Variants in SH3D19 observed in about 807,000 individuals in gnomAD.
SH3D19 encodes the protein SH3 domain containing 19, also known as SH3 domain-containing protein 19.
A neutral mutation model predicts 112.1 loss-of-function variants in SH3D19; 58 were observed. The ratio of observed to expected loss-of-function variants is 0.52; its 90% CI spans 0.42 to 0.64. SH3D19 has a LOEUF of 0.64. Ranked by LOEUF, SH3D19 falls within the 30% of genes least tolerant of loss-of-function variation. The pLI, the probability that SH3D19 is intolerant of heterozygous loss-of-function variation, is 0.00. For synonymous variants in SH3D19, 391 were observed against 448.5 expected (o/e 0.87, Z 1.62); for missense variants, 1,090 against 1,263.4 (o/e 0.86, Z 2.08).
intron 1 of SH3D19, among the ~76,000 whole-genome samples, chr4:151,293,273 A>G (rs917844000): frequency 6.6e-6 from 1 of 151,844 alleles, no homozygotes; most frequent in Non-Finnish European, 1.5e-5. Context: ...GATCAAGACC[A>G]TCCTGGCTAA....
intron 1 of SH3D19, 51 bp downstream of exon 1, chr4:151,325,190 C>T: frequency 9.4e-7 from 1 of 1,065,234 alleles, no homozygotes. Context: ...CCGAGCGGCC[C>T]CAGAGCGCGC....
Position 151,149,957 on chromosome 4 carries a change from G to A in SH3D19, c.1756-396C>T, listed in dbSNP as rs184084934. Reference sequence around the variant, plus strand: ...TCCCAGCACTTTGGGAGGCTGAGGCGGGTGGATCACGAGGTCAGGAGATAG... The same window carrying A: ...TCCCAGCACTTTGGGAGGCTGAGGCAGGTGGATCACGAGGTCAGGAGATAG... On this transcript the variant is annotated intron_variant, in intron 9 of 19. Coordinates refer to ENST00000604030, the MANE Select transcript of SH3D19 (RefSeq NM_001378122.1). Among the ~76,000 whole-genome samples, 954 of 151,614 alleles carry A rather than the reference G, an allele frequency of 6.3e-3. 8 individuals carry two copies. Among genetic ancestry groups the A allele is most frequent in the African/African-American group, 0.022 (925 of 41,346 alleles).
chr4:151,183,164 G>A (rs568140277), intron 3 of SH3D19, among the ~76,000 whole-genome samples: 15 of 151,672 alleles, frequency 9.9e-5, no homozygotes, highest in Non-Finnish European at 2.1e-4. Context: ...GTTAATTTTT[G>A]TATTTTTAGT....
chr4:151,168,423 G>A (rs538311887), intron 7 of SH3D19, among the ~76,000 whole-genome samples: 19 of 143,532 alleles, frequency 1.3e-4, no homozygotes, highest in East Asian at 6.1e-4. Flanking sequence ...TTTGAGACAC[G>A]GTCTCACTCT....
chr4:151,276,989 G>A (rs1483151365), intron 1 of SH3D19, among the ~76,000 whole-genome samples: 1 of 152,158 alleles, frequency 6.6e-6, no homozygotes, highest in Non-Finnish European at 1.5e-5. Flanking sequence ...CCTGGGTCCT[G>A]CAGCTGCACT....
chr4:151,263,021 C>CA (rs1772496975), intron 1 of SH3D19, among the ~76,000 whole-genome samples: 1 of 152,106 alleles, frequency 6.6e-6, no homozygotes, highest in Non-Finnish European at 1.5e-5. Context: ...AAGGAAATTC[C>CA]AGAGTTGAGG....
At chr4:151,323,706 C>T (rs1222484172) in intron 1 of SH3D19, among the ~76,000 whole-genome samples, 2 of 152,132 alleles carry the variant, frequency 1.3e-5, no homozygotes, top group East Asian at 3.9e-4. Context: ...CCTAGAAAAG[C>T]CTTTGTCAAC....
chr4:151,237,334 A>T (rs75937460), intron 1 of SH3D19, among the ~76,000 whole-genome samples: 37 of 152,210 alleles, frequency 2.4e-4, no homozygotes, highest in African/African-American at 8.4e-4. Context: ...TCTATCACTT[A>T]TATATCTTTG....
In SH3D19 at chr4:151,133,203, A is replaced by G. The variant is rs201516333; in HGVS notation, c.2520T>C (p.Ile840=). 5.0e-6 allele frequency: 8 copies of G among 1,614,096 alleles called. No individual in the cohort carries two copies. Among genetic ancestry groups the G allele is most frequent in the Admixed American group, 1.7e-5 (1 of 60,014 alleles). Residue 840 remains isoleucine, a synonymous_variant, in exon 16 of 20, where the codon ATT becomes ATC. Coordinates refer to ENST00000604030, the MANE Select transcript of SH3D19 (RefSeq NM_001378122.1). Reference sequence around the variant, plus strand: ...AACTCAACTCATCCTTCTGCTCTCCAATATATTCAAACCGAGCAACACATC... The same window carrying G: ...AACTCAACTCATCCTTCTGCTCTCCGATATATTCAAACCGAGCAACACATC... The part of the protein sequence containing the change: ...GSRCVARFEY[I]GEQKDELSFS...
chr4:151,285,294 C>T (rs969784482), intron 1 of SH3D19, among the ~76,000 whole-genome samples: 12 of 152,064 alleles, frequency 7.9e-5, no homozygotes, highest in African/African-American at 2.9e-4. Context: ...CTAAGAAGAG[C>T]GGAATATACT....
At chr4:151,212,485 T>C (rs762569036) in intron 2 of SH3D19, among the ~76,000 whole-genome samples, 5 of 152,202 alleles carry the variant, frequency 3.3e-5, no homozygotes, top group Admixed American at 6.5e-5. Context: ...AGAATTATGA[T>C]AAATCTATTC....
At chr4:151,266,693 G>C (rs1375536817) in intron 1 of SH3D19, among the ~76,000 whole-genome samples, 1 of 152,160 alleles carries the variant, frequency 6.6e-6, no homozygotes, top group Non-Finnish European at 1.5e-5. Flanking sequence ...AGAACCCAGA[G>C]ACTAGATTGA....
chr4:151,311,088 A>C (rs185804608), intron 1 of SH3D19, among the ~76,000 whole-genome samples: 2 of 148,332 alleles, frequency 1.3e-5, no homozygotes, highest in Admixed American at 6.6e-5. Flanking sequence ...GAGTGCAGAT[A>C]TCTCTTTGAG....
intron 2 of SH3D19, among the ~76,000 whole-genome samples, chr4:151,211,901 G>A (rs935057702): frequency 3.3e-5 from 5 of 152,206 alleles, no homozygotes; most frequent in Non-Finnish European, 7.3e-5. Flanking sequence ...AGTTGCAAGT[G>A]CTGATGGAAA....
intron 3 of SH3D19, among the ~76,000 whole-genome samples, chr4:151,186,111 A>G (rs780191386): frequency 4.6e-5 from 7 of 152,212 alleles, no homozygotes; most frequent in Non-Finnish European, 8.8e-5. Context: ...ACCTCAGCTC[A>G]GATAATGCAA....
chr4:151,247,797 A>T (rs1651103973), intron 1 of SH3D19, among the ~76,000 whole-genome samples: 1 of 152,228 alleles, frequency 6.6e-6, no homozygotes, highest in South Asian at 2.1e-4. Flanking sequence ...ATATAATGTG[A>T]CTATACTATA....
chr4:151,127,466 CT>C, intron 19 of SH3D19, 151 bp downstream of exon 19: 1 of 515,752 alleles, frequency 1.9e-6, no homozygotes, highest in East Asian at 3.3e-5. Context: ...GCACTGTTCA[CT>C]TTCTCTAATG....
chr4:151,146,249 C>T (rs1303385466), intron 11 of SH3D19, among the ~76,000 whole-genome samples: 3 of 152,040 alleles, frequency 2.0e-5, no homozygotes, highest in Non-Finnish European at 4.4e-5. Flanking sequence ...GCTACTCTGT[C>T]GTTCAATTGT....
At chr4:151,250,936 A>C (rs947382446) in intron 1 of SH3D19, among the ~76,000 whole-genome samples, 11 of 152,194 alleles carry the variant, frequency 7.2e-5, no homozygotes, top group African/African-American at 2.7e-4. Flanking sequence ...GATCCATTCC[A>C]GTCTCAAGTT....
Sources: allele counts gnomAD v4.1 joint callset (sites outside exome capture counted in the v4.1 genomes callset), GRCh38; gene constraint gnomAD v4.1.1; transcripts MANE v1.5; gene names NCBI Gene and HGNC (gene_info 2026-07-23, HGNC 2026-07-21).